The following IL23R variants were observed in gnomAD, a reference collection of about 807,000 sequenced individuals.
The protein encoded by IL23R is interleukin 23 receptor.
IL23R carries 34 observed loss-of-function variants against 56.9 expected under a neutral mutation model. The ratio of observed to expected loss-of-function variants is 0.60; its 90% CI spans 0.45 to 0.80. The LOEUF is 0.80. Ranked by LOEUF, IL23R falls within the 30% of genes least tolerant of loss-of-function variation. The pLI, the probability that IL23R is intolerant of heterozygous loss-of-function variation, is 0.00. For missense variants in IL23R, 635 were observed against 730.0 expected (o/e 0.87, Z 1.50); for synonymous variants, 230 against 249.2 (o/e 0.92, Z 0.73).
At chr1:67,220,320 G>T (rs1570875975) in intron 7 of IL23R, among the ~76,000 whole-genome samples, 1 of 151,902 alleles carries the variant, frequency 6.6e-6, no homozygotes, top group East Asian at 1.9e-4. Context: ...AGTGAACTGA[G>T]ATTGTACCAC....
At chr1:67,263,805 A>G (rs569884550), downstream of IL23R, among the ~76,000 whole-genome samples, 3 of 151,856 alleles carry the variant, frequency 2.0e-5, no homozygotes, top group South Asian at 6.3e-4. Flanking sequence ...TGGAGGTTGC[A>G]GTGAGCCAAG....
rs142215436 is a variant in IL23R, at chr1:67,170,854, T to C, written c.367+1216T>C. ...GAAAGTAAGAGGCTTCCTTGCTCTA[T>C]AATGAGGCCATTGTCCTACTTAACT... On this transcript the variant is annotated intron_variant, in intron 3 of 10. Coordinates refer to ENST00000347310, the MANE Select transcript of IL23R (RefSeq NM_144701.3). 1.8e-4 allele frequency among the ~76,000 whole-genome samples: 27 copies of C among 152,300 alleles called. No individual in the cohort carries two copies. The East Asian group carries it at 5.2e-3, about 29-fold the overall frequency.
At chr1:67,204,640 C>T (rs182731405) in intron 5 of IL23R, among the ~76,000 whole-genome samples, 1 of 152,108 alleles carries the variant, frequency 6.6e-6, no homozygotes, top group East Asian at 1.9e-4. Flanking sequence ...GTGGCCAAGC[C>T]GAACTCAGAG....
At chr1:67,207,100 T>A in intron 6 of IL23R, 45 bp downstream of exon 6, 1 of 1,596,676 alleles carries the variant, frequency 6.3e-7, no homozygotes, top group Non-Finnish European at 8.6e-7. Flanking sequence ...ATGAATGATT[T>A]AAAAGCCAAC....
chr1:67,159,380 T>A (rs1289384107), intron 1 of IL23R, among the ~76,000 whole-genome samples: 1 of 152,076 alleles, frequency 6.6e-6, no homozygotes, highest in Non-Finnish European at 1.5e-5. Flanking sequence ...TGCTTCCCCT[T>A]CGTCTTCCAT....
chr1:67,263,949 T>C (rs1653279269), downstream of IL23R, among the ~76,000 whole-genome samples: 2 of 151,682 alleles, frequency 1.3e-5, no homozygotes, highest in African/African-American at 4.8e-5. Flanking sequence ...ACCTTGGAGG[T>C]CATACCTGTG....
intron 3 of IL23R, among the ~76,000 whole-genome samples, chr1:67,172,838 G>T (rs560106219): frequency 1.8e-4 from 27 of 152,262 alleles, no homozygotes; most frequent in Admixed American, 5.9e-4. Flanking sequence ...CAGAAGCATT[G>T]CATCTCTCTC....
intron 4 of IL23R, among the ~76,000 whole-genome samples, chr1:67,193,738 G>A (rs4655689): frequency 0.86 from 130,259 of 152,222 alleles, 55,932 homozygotes; most frequent in East Asian, 1. Flanking sequence ...CTCCTGACAC[G>A]AAATGTGGGA....
At chr1:67,148,762 C>T (rs1402559860) in intron 1 of IL23R, among the ~76,000 whole-genome samples, 1 of 152,198 alleles carries the variant, frequency 6.6e-6, no homozygotes, top group Non-Finnish European at 1.5e-5. Flanking sequence ...TTCCCCTTGA[C>T]TTAGTGTCCA....
chr1:67,222,860 C>A (rs1476625894), intron 7 of IL23R, among the ~76,000 whole-genome samples: 1 of 152,082 alleles, frequency 6.6e-6, no homozygotes, highest in Non-Finnish European at 1.5e-5. Flanking sequence ...GTGCATTTTC[C>A]CCACCATCCC....
Position 67,240,225 on chromosome 1 carries a change from T to C in IL23R, c.1092T>C (p.Ala364=). 6.2e-7 allele frequency: 1 copy of C among 1,613,428 alleles called. No homozygotes were observed. The highest frequency in any genetic ancestry group is 1.1e-5 in the South Asian group (1 of 91,076). Residue 364 remains alanine (A), a synonymous_variant, in exon 9 of 11, where the codon GCT becomes GCC. Coordinates refer to ENST00000347310, the MANE Select transcript of IL23R (RefSeq NM_144701.3). ...IGLLLGMIVF[A]VMLSILSLIG... is the part of the protein sequence containing the mutation. ...TTTTATTGGGAATGATCGTCTTTGC[T>C]GTTATGTTGTCAATTCTTTCTTTGA...
rs566983812 is a variant in IL23R, at chr1:67,170,059, A to G, written c.367+421A>G. Among the ~76,000 whole-genome samples the G allele has an allele frequency of 5.3e-5, 8 of 152,274 alleles. No individual in the cohort carries two copies. In the East Asian group the frequency reaches 1.5e-3, roughly 29 times the overall value. Reference sequence around the variant, plus strand: ...TTGTTTATTTTTCTAAACTAATATAATATAATTAACCTTGAAGCAGATCCC... The same window carrying G: ...TTGTTTATTTTTCTAAACTAATATAGTATAATTAACCTTGAAGCAGATCCC... On this transcript the variant is annotated intron_variant, in intron 3 of 10. Coordinates refer to ENST00000347310, the MANE Select transcript of IL23R (RefSeq NM_144701.3).
chr1:67,181,697 A>T (rs528615295), intron 3 of IL23R, among the ~76,000 whole-genome samples: 467 of 152,268 alleles, frequency 3.1e-3, no homozygotes, highest in African/African-American at 0.011. Flanking sequence ...CCTTTGGAGG[A>T]GGAGAGGCGC....
downstream of IL23R, among the ~76,000 whole-genome samples, chr1:67,264,875 T>G (rs1258291228): frequency 4.6e-5 from 7 of 152,148 alleles, no homozygotes; most frequent in African/African-American, 1.4e-4. Flanking sequence ...GATTAGGAAC[T>G]TATTCTTAAA....
downstream of IL23R, among the ~76,000 whole-genome samples, chr1:67,261,187 T>C (rs1178426994): frequency 1.3e-5 from 2 of 152,036 alleles, no homozygotes; most frequent in African/African-American, 4.8e-5. Context: ...CTGTCCATTG[T>C]CCTATTGTTA....
intron 1 of IL23R, among the ~76,000 whole-genome samples, chr1:67,154,924 T>C (rs369459178): frequency 2.2e-4 from 33 of 151,752 alleles, no homozygotes; most frequent in East Asian, 5.8e-4. Flanking sequence ...TAGTGGCTGG[T>C]ACTGGTTTTT....
chr1:67,199,072 G>C (rs575103458), intron 4 of IL23R, among the ~76,000 whole-genome samples: 16 of 152,028 alleles, frequency 1.1e-4, no homozygotes, highest in African/African-American at 3.9e-4. Flanking sequence ...CCTCCGTAAA[G>C]GTGCTAGACA....
chr1:67,176,861 C>T (rs2102568622), intron 3 of IL23R, among the ~76,000 whole-genome samples: 1 of 152,198 alleles, frequency 6.6e-6, no homozygotes, highest in South Asian at 2.1e-4. Context: ...GTTCAGTTCC[C>T]ACCTATGAGT....
chr1:67,230,333 GC>G (rs1651016654), intron 7 of IL23R, among the ~76,000 whole-genome samples: 1 of 152,188 alleles, frequency 6.6e-6, no homozygotes, highest in South Asian at 2.1e-4. Context: ...ATAAAACATG[GC>G]AAATGTCTGC....
Sources: gnomAD v4.1 joint callset for allele counts (sites outside exome capture counted in the v4.1 genomes callset) on GRCh38, gnomAD v4.1.1 for gene constraint, MANE v1.5 for transcripts, NCBI Gene and HGNC (gene_info 2026-07-23, HGNC 2026-07-21) for gene names.